LOC122539214: variants seen among roughly 807,000 people sequenced by gnomAD.
At chr19:52,662,412 G>A in the LOC122539214 span, among the ~76,000 whole-genome samples, 1 of 152,152 alleles carries the variant, frequency 6.6e-6, no homozygotes, top group South Asian at 2.1e-4. Context: ...CAGAGCTCAG[G>A]GGAGAGGCCT....
the LOC122539214 span, chr19:52,653,096 T>C: frequency 6.8e-7 from 1 of 1,463,786 alleles, no homozygotes; most frequent in East Asian, 2.4e-5. Flanking sequence ...GCCTTATGAA[T>C]TAGAAGGGAT....
At chr19:52,678,240 C>G in the LOC122539214 span, among the ~76,000 whole-genome samples, 26 of 151,664 alleles carry the variant, frequency 1.7e-4, 2 homozygotes, top group Admixed American at 1.1e-3. Flanking sequence ...ATCACAAGAT[C>G]AGTAGTTCAA....
At chr19:52,675,142 T>C in the LOC122539214 span, among the ~76,000 whole-genome samples, 4 of 152,360 alleles carry the variant, frequency 2.6e-5, no homozygotes, top group South Asian at 8.3e-4. Context: ...ATCTGTACTA[T>C]AAAGCTTGCG....
the LOC122539214 span, among the ~76,000 whole-genome samples, chr19:52,673,875 G>T: frequency 6.6e-6 from 1 of 151,382 alleles, no homozygotes; most frequent in Non-Finnish European, 1.5e-5. Context: ...AATTAACCGG[G>T]CCTGGTGGTG....
At chr19:52,657,352 T>C in the LOC122539214 span, among the ~76,000 whole-genome samples, 1 of 151,780 alleles carries the variant, frequency 6.6e-6, no homozygotes, top group African/African-American at 2.4e-5. Context: ...GTGAGGTAGC[T>C]CATATCAGGA....
At chr19:52,656,461 G>A in the LOC122539214 span, among the ~76,000 whole-genome samples, 79,766 of 151,944 alleles carry the variant, frequency 0.52, 21,485 homozygotes, top group East Asian at 0.71. Flanking sequence ...GGAGGCAGAG[G>A]TTGTGGTAAG....
chr19:52,650,812 G>T, the LOC122539214 span: 2 of 152,210 alleles, frequency 1.3e-5, no homozygotes, highest in Non-Finnish European at 2.9e-5. Flanking sequence ...AGGCTTGCGT[G>T]TAAGCCCAGA....
the LOC122539214 span, among the ~76,000 whole-genome samples, chr19:52,663,013 A>C: frequency 6.6e-6 from 1 of 152,028 alleles, no homozygotes; most frequent in Non-Finnish European, 1.5e-5. Context: ...AAGTACAAAA[A>C]ATAGCCAGGC....
At chr19:52,654,345 T>G in the LOC122539214 span, 1 of 1,355,084 alleles carries the variant, frequency 7.4e-7, no homozygotes, top group Non-Finnish European at 1.0e-6. Flanking sequence ...TGTGGATCAC[T>G]TCTCCTGTAT....
the LOC122539214 span, among the ~76,000 whole-genome samples, chr19:52,664,700 G>A: frequency 6.6e-6 from 1 of 151,798 alleles, no homozygotes; most frequent in African/African-American, 2.4e-5. Flanking sequence ...CAGATTAAGT[G>A]GGTGGGGCCT....
chr19:52,688,462 C>G, the LOC122539214 span, among the ~76,000 whole-genome samples: 67 of 152,026 alleles, frequency 4.4e-4, no homozygotes, highest in African/African-American at 1.5e-3. Context: ...GCATGAACCA[C>G]TGTACCCAGC....
At chr19:52,666,050 G>A in the LOC122539214 span, among the ~76,000 whole-genome samples, 1 of 151,600 alleles carries the variant, frequency 6.6e-6, no homozygotes, top group Non-Finnish European at 1.5e-5. Context: ...TGTAGTCCCA[G>A]CTACTTGGAA....
the LOC122539214 span, among the ~76,000 whole-genome samples, chr19:52,686,255 G>A: frequency 2.0e-5 from 3 of 151,762 alleles, no homozygotes; most frequent in Admixed American, 6.6e-5. Context: ...ATTTCAAACC[G>A]AAACTATTTT....
the LOC122539214 span, chr19:52,652,465 A>T: frequency 7.2e-6 from 3 of 415,926 alleles, no homozygotes; most frequent in South Asian, 5.5e-5. Context: ...TGCCACAATT[A>T]TCACAGTTGT....
the LOC122539214 span, among the ~76,000 whole-genome samples, chr19:52,659,332 T>C: frequency 3.3e-5 from 5 of 152,002 alleles, no homozygotes; most frequent in African/African-American, 7.3e-5. Context: ...CAGTAAGTCA[T>C]TGGTGCCCAC....
At chr19:52,655,785 C>G in the LOC122539214 span, 1 of 614,784 alleles carries the variant, frequency 1.6e-6, no homozygotes, top group Non-Finnish European at 2.9e-6. Flanking sequence ...TGATCCAAGA[C>G]GGTGTTCTGA....
the LOC122539214 span, among the ~76,000 whole-genome samples, chr19:52,659,219 C>T: frequency 9.9e-5 from 15 of 151,958 alleles, no homozygotes; most frequent in African/African-American, 3.4e-4. Context: ...GTGAAGGAAG[C>T]GTGAGGACCG....
the LOC122539214 span, among the ~76,000 whole-genome samples, chr19:52,686,335 A>G: frequency 0.012 from 1,770 of 152,190 alleles, 23 homozygotes; most frequent in Non-Finnish European, 0.018. Flanking sequence ...ATATACATGT[A>G]CAGAAAGGAA....
chr19:52,676,975 G>A, the LOC122539214 span, among the ~76,000 whole-genome samples: 4 of 144,140 alleles, frequency 2.8e-5, no homozygotes, highest in African/African-American at 7.9e-5. Flanking sequence ...AAGTAATCAG[G>A]GACACAAACA....
Sources: allele counts gnomAD v4.1 joint callset (sites outside exome capture counted in the v4.1 genomes callset), GRCh38; gene constraint gnomAD v4.1.1; transcripts MANE v1.5.